Variants in DRC9 observed in about 807,000 individuals in gnomAD.
DRC9 encodes the protein dynein regulatory complex protein 9.
At chr3:197,950,140 C>T in the DRC9 span, 1 of 1,231,772 alleles carries the variant, frequency 8.1e-7, no homozygotes, top group Non-Finnish European at 1.0e-6. Flanking sequence ...AAATTGAGGG[C>T]GGAGTCGAAA....
chr3:197,955,051 AT>A, the DRC9 span, among the ~76,000 whole-genome samples: 2 of 151,676 alleles, frequency 1.3e-5, no homozygotes, highest in African/African-American at 4.8e-5. Context: ...TTCTCCTGTA[AT>A]TTTTCTCAAA....
chr3:197,956,342 A>C, the DRC9 span: 1 of 157,642 alleles, frequency 6.3e-6, no homozygotes, highest in Non-Finnish European at 1.4e-5. Context: ...TTGGCAGTTC[A>C]TTTGGATAGA....
At chr3:197,954,345 T>C in the DRC9 span, 2 of 639,570 alleles carry the variant, frequency 3.1e-6, no homozygotes, top group South Asian at 3.8e-5. Flanking sequence ...TGTTTTTTTT[T>C]TGGGGGGAGA....
the DRC9 span, among the ~76,000 whole-genome samples, chr3:197,941,344 TGTCTC>T: frequency 1.5e-5 from 1 of 65,172 alleles, no homozygotes; most frequent in African/African-American, 2.0e-4. Context: ...CTCTCCCCTC[TGTCTC>T]TTTCTTTCCC....
chr3:197,918,152 T>C, the DRC9 span, among the ~76,000 whole-genome samples: 11 of 150,590 alleles, frequency 7.3e-5, no homozygotes, highest in Non-Finnish European at 7.4e-5. Flanking sequence ...TGGAGTGCAA[T>C]GGTGCGATCT....
chr3:197,953,387 A>C, the DRC9 span: 108 of 455,728 alleles, frequency 2.4e-4, no homozygotes, highest in East Asian at 7.3e-3. Context: ...TAAAGGAAAT[A>C]TATATAAAGT....
the DRC9 span, chr3:197,892,609 G>C: frequency 6.2e-7 from 1 of 1,607,348 alleles, no homozygotes; most frequent in Non-Finnish European, 8.5e-7. Flanking sequence ...CTCAGTGAGC[G>C]CCCTAATTCC....
the DRC9 span, among the ~76,000 whole-genome samples, chr3:197,899,848 C>T: frequency 6.6e-6 from 1 of 152,098 alleles, no homozygotes; most frequent in African/African-American, 2.4e-5. Context: ...GTTTTAACTT[C>T]GTTTTGCTGA....
the DRC9 span, among the ~76,000 whole-genome samples, chr3:197,899,061 CAG>C: frequency 6.6e-6 from 1 of 151,966 alleles, no homozygotes; most frequent in Non-Finnish European, 1.5e-5. Flanking sequence ...TTAGATGAAA[CAG>C]ATTATTTTCT....
chr3:197,893,789 G>A, the DRC9 span, among the ~76,000 whole-genome samples: 268 of 152,046 alleles, frequency 1.8e-3, 1 homozygote, highest in African/African-American at 5.8e-3. Flanking sequence ...CAGAGGTTGC[G>A]GTGAGCCAAG....
the DRC9 span, among the ~76,000 whole-genome samples, chr3:197,895,577 A>G: frequency 5.9e-5 from 9 of 152,230 alleles, no homozygotes; most frequent in Non-Finnish European, 8.8e-5. Context: ...ATTTATACTA[A>G]TTTCTATTTA....
the DRC9 span, among the ~76,000 whole-genome samples, chr3:197,921,627 C>T: frequency 2.0e-5 from 3 of 151,598 alleles, no homozygotes; most frequent in African/African-American, 4.9e-5. Flanking sequence ...TTGGTCGACC[C>T]GACTACTGGT....
chr3:197,938,416 C>A, the DRC9 span: 1 of 687,548 alleles, frequency 1.5e-6, no homozygotes, highest in Non-Finnish European at 2.6e-6. Flanking sequence ...TTAGCTAATT[C>A]TATTCTCAGC....
chr3:197,934,844 TCATGGTGGCACGTG>T, the DRC9 span, among the ~76,000 whole-genome samples: 2 of 127,888 alleles, frequency 1.6e-5, no homozygotes, highest in African/African-American at 5.9e-5. Flanking sequence ...AAAAGGCTGG[TCATGGTGGCACGTG>T]CCTGTAGTCC....
At chr3:197,956,426 T>TA in the DRC9 span, 1 of 152,928 alleles carries the variant, frequency 6.5e-6, no homozygotes, top group African/African-American at 2.4e-5. Context: ...TAAGCCATAT[T>TA]ACTCCACTCA....
At chr3:197,899,058 A>G in the DRC9 span, among the ~76,000 whole-genome samples, 4 of 152,220 alleles carry the variant, frequency 2.6e-5, no homozygotes, top group Non-Finnish European at 5.9e-5. Context: ...TGTTTAGATG[A>G]AACAGATTAT....
chr3:197,948,674 G>C, the DRC9 span, among the ~76,000 whole-genome samples: 2,137 of 152,314 alleles, frequency 0.014, 52 homozygotes, highest in African/African-American at 0.048. Flanking sequence ...GGGTGGGGTA[G>C]TAGGCTACAA....
chr3:197,949,919 G>A, the DRC9 span: 1 of 407,090 alleles, frequency 2.5e-6, no homozygotes, highest in Admixed American at 4.4e-5. Context: ...GACGCAGGAA[G>A]TAAACTAAGT....
chr3:197,956,591 A>C, the DRC9 span: 4 of 151,834 alleles, frequency 2.6e-5, no homozygotes, highest in Admixed American at 1.3e-4. Flanking sequence ...ATATGCTAAA[A>C]TAAAACAACT....
Sources: gnomAD v4.1 joint callset for allele counts (sites outside exome capture counted in the v4.1 genomes callset) on GRCh38, gnomAD v4.1.1 for gene constraint, MANE v1.5 for transcripts, NCBI Gene and HGNC (gene_info 2026-07-23, HGNC 2026-07-21) for gene names.